Variants in CELSR3 observed in about 807,000 individuals in gnomAD.
CELSR3 encodes EGF-like protein 1.
In CELSR3, 73 loss-of-function variants were observed where a neutral mutation model predicts 270.0. That is an observed-to-expected ratio of 0.27 (90% CI 0.22 to 0.33). The LOEUF is 0.33. CELSR3 is among the 10% of genes least tolerant of loss of function. CELSR3 has a pLI of 1.00. For synonymous variants in CELSR3, 1,780 were observed against 1,905.4 expected, an observed-to-expected ratio of 0.93 and a Z score of 1.71; for missense variants, 3,614 against 4,533.8, an observed-to-expected ratio of 0.80 and a Z score of 5.83.
Position 48,645,940 on chromosome 3 carries a change from G to A in CELSR3, c.7464-72C>T. The A allele has an allele frequency of 6.4e-7, 1 of 1,572,256 alleles. No individual in the cohort carries two copies. The highest frequency in any genetic ancestry group is 8.7e-7 in the Non-Finnish European group (1 of 1,155,722). ...AGGGGTTTGTGAGAGATCATGGGAA[G>A]GGCTGAGGGTGCCTGGAGTTGGGGT... On this transcript the variant is annotated intron_variant, in intron 22 of 34. Transcript: ENST00000164024. The surrounding 1 kb of genome is among the most constrained non-coding windows in gnomAD (Gnocchi z 5.4).
At position 48,650,803 on chromosome 3, in the gene CELSR3, TC is replaced by T; in HGVS notation, c.6370+88del. 1 of 1,413,012 alleles carries T rather than the reference TC, an allele frequency of 7.1e-7. No individual in the cohort carries two copies. Among genetic ancestry groups the T allele is most frequent in the East Asian group, 2.3e-5 (1 of 43,302 alleles). The allele number at this position is 1,413,012 out of a possible 1,614,324, so 87.5% of individuals were successfully genotyped here. On this transcript the variant is annotated intron_variant, in intron 15 of 34. Coordinates refer to ENST00000164024, the MANE Select transcript of CELSR3 (RefSeq NM_001407.3). The surrounding 1 kb of genome is among the most constrained non-coding windows in gnomAD (Gnocchi z 5.1). ...TCTCCCTCAGGAGAAGCTTCCAGAG[TC>T]CCCAAGGAGCCATGTGTGCCACTGA...
Position 48,645,107 on chromosome 3 carries a change from G to A in CELSR3, c.7900C>T (p.Pro2634Ser). ...ATGGCGCCGCGGTCCACGTTGCGTG[G>A]CTCAACCTGCATGCGGTAGAGGTGC... is the stretch of plus-strand genomic sequence containing the variant. ...GLHLYRMQVEPRNVDRGAMRF... is the reference protein window; with the variant it reads ...GLHLYRMQVESRNVDRGAMRF... The change falls in exon 25 of 35, where the codon CCA becomes TCA. Residue 2634 changes from proline (P) to serine (S), a missense_variant. Pro to Ser is a moderately conservative substitution (Grantham distance 74). This residue lies in a region of CELSR3 where 1,240 missense variants were observed against 1,351.7 expected (regional missense o/e 0.92). Transcript: ENST00000164024. The surrounding 1 kb of genome is among the most constrained non-coding windows in gnomAD (Gnocchi z 5.4). 6.2e-7 allele frequency: 1 copy of A among 1,605,466 alleles called. No individual in the cohort carries two copies. The highest frequency in any genetic ancestry group is 8.5e-7 in the Non-Finnish European group (1 of 1,173,994).
At position 48,645,121 on chromosome 3, in the gene CELSR3, C is replaced by A; in HGVS notation, c.7886G>T (p.Arg2629Leu). The change falls in exon 25 of 35, where the codon CGC becomes CTC. Residue 2629 changes from arginine to leucine, a missense_variant. Physicochemically the swap from Arg to Leu is moderately radical, Grantham distance 102. Around this residue, in one of 7 missense-constraint regions of CELSR3, gnomAD observed 1,240 missense variants for 1,351.7 expected, o/e 0.92. Transcript: ENST00000164024. The surrounding 1 kb of genome is among the most constrained non-coding windows in gnomAD (Gnocchi z 5.4). ...WLFVQGLHLY[R>L]MQVEPRNVDR... ...CACGTTGCGTGGCTCAACCTGCATGCGGTAGAGGTGCAGCCCCTGCACGAA... is the reference window on the plus strand; with the variant it reads ...CACGTTGCGTGGCTCAACCTGCATGAGGTAGAGGTGCAGCCCCTGCACGAA... The A allele has an allele frequency of 2.5e-6, 4 of 1,605,642 alleles. No individual in the cohort carries two copies. Among genetic ancestry groups the A allele is most frequent in the Non-Finnish European group, 3.4e-6 (4 of 1,174,114 alleles).
chr3:48,660,914 T>C lies in CELSR3; in HGVS notation c.1721A>G (p.Lys574Arg), dbSNP rs746952522. The C allele has an allele frequency of 6.2e-7, 1 of 1,614,004 alleles. No individual in the cohort carries two copies. The highest frequency in any genetic ancestry group is 8.5e-7 in the Non-Finnish European group (1 of 1,180,042). ...VLRVTATDRD[K>R]DANGLVHYNI... Reference sequence around the variant, plus strand: ...GTAGTGCACCAATCCGTTGGCGTCCTTGTCCCGGTCAGTGGCCGTGACGCG... The same window carrying C: ...GTAGTGCACCAATCCGTTGGCGTCCCTGTCCCGGTCAGTGGCCGTGACGCG... Residue 574 changes from lysine (K) to arginine (R), a missense_variant, in exon 1 of 35, where the codon AAG becomes AGG. Physicochemically the swap from Lys to Arg is conservative, Grantham distance 26. This residue lies in a region of CELSR3 where 354 missense variants were observed against 500.9 expected (regional missense o/e 0.71). Transcript: ENST00000164024. The surrounding 1 kb of genome is among the most constrained non-coding windows in gnomAD (Gnocchi z 5.5).
rs1287561312 is a variant in CELSR3, at chr3:48,650,541, C to T, written c.6411G>A (p.Val2137=). Residue 2137 remains valine, a synonymous_variant, in exon 16 of 35, where the codon GTG becomes GTA. Transcript: ENST00000164024. This position sits in a 1 kb window ranked among gnomAD's most constrained non-coding sequence, Gnocchi z 5.1. ...CGCCAAACTTTGTCTGGGGCCACCA[C>T]ACACCAGATCTCAGGGACTTAGGGC... ...DACPKSLRSG[V]WWPQTKFGVL... 1 of 1,604,856 alleles carries T rather than the reference C, an allele frequency of 6.2e-7. No individual in the cohort carries two copies. Among genetic ancestry groups the T allele is most frequent in the Non-Finnish European group, 8.5e-7 (1 of 1,177,460 alleles).
Position 48,641,567 on chromosome 3 carries a change from C to G in CELSR3, c.8825-43G>C. 6.9e-7 allele frequency: 1 copy of G among 1,452,178 alleles called. No homozygotes were observed. Among genetic ancestry groups the G allele is most frequent in the South Asian group, 1.2e-5 (1 of 86,802 alleles). 90.0% of individuals were successfully genotyped at this position (1,452,178 alleles called of 1,614,324 possible). ...GTTACAGGAGCTTCTGGGTTGATCC[C>G]AGTGACTCATGACCCCTGACCCTAA... On this transcript the variant is annotated intron_variant, in intron 32 of 34. Coordinates refer to ENST00000164024, the MANE Select transcript of CELSR3 (RefSeq NM_001407.3). This position sits in a 1 kb window ranked among gnomAD's most constrained non-coding sequence, Gnocchi z 4.8.
chr3:48,645,100 T>C lies in CELSR3; in HGVS notation c.7907A>G (p.Asn2636Ser), dbSNP rs760080706. 5 of 1,604,614 alleles carry C rather than the reference T, an allele frequency of 3.1e-6. No homozygotes were observed. Among genetic ancestry groups the C allele is most frequent in the Non-Finnish European group, 8.5e-7 (1 of 1,173,262 alleles). Residue 2636 changes from asparagine (N) to serine (S), a missense_variant, in exon 25 of 35, where the codon AAC (asparagine) becomes AGC (serine). Transcript: ENST00000164024. This position sits in a 1 kb window ranked among gnomAD's most constrained non-coding sequence, Gnocchi z 5.4. ...GAAGCGCATGGCGCCGCGGTCCACG[T>C]TGCGTGGCTCAACCTGCATGCGGTA... ...HLYRMQVEPR[N>S]VDRGAMRFYH...
rs2047145792 is a variant in CELSR3, at chr3:48,652,417, A to G, written c.5751+20T>C. On this transcript the variant is annotated intron_variant, in intron 11 of 34. Coordinates refer to ENST00000164024, the MANE Select transcript of CELSR3 (RefSeq NM_001407.3). The surrounding 1 kb of genome is among the most constrained non-coding windows in gnomAD (Gnocchi z 4.3). ...CCCTGACCCTAATGCCCCATATCAC[A>G]TTCCCATGCTGACCCCCACCTGGAT... The G allele has an allele frequency of 6.3e-7, 1 of 1,582,908 alleles. No individual in the cohort carries two copies. Among genetic ancestry groups the G allele is most frequent in the African/African-American group, 1.3e-5 (1 of 74,288 alleles).
chr3:48,643,810 T>G (rs2047052474), intron 27 of CELSR3, 133 bp from the exon 28 acceptor site: 2 of 1,057,076 alleles, frequency 1.9e-6, no homozygotes, highest in East Asian at 2.6e-5. Flanking sequence ...AACATGGAGG[T>G]CTCTGGAGGA....
At position 48,652,988 on chromosome 3, in the gene CELSR3, G is replaced by A. The variant is rs759922896; in HGVS notation, c.5634+14C>T. The stretch of plus-strand genomic sequence containing the variant: ...AAGGCTGAGAACAGACTACCCCGGG[G>A]TCAGAGGCCAGACCTGGAAGAGGCT... On this transcript the variant is annotated intron_variant, in intron 10 of 34. Transcript: ENST00000164024. This position sits in a 1 kb window ranked among gnomAD's most constrained non-coding sequence, Gnocchi z 4.3. 1 of 1,611,162 alleles carries A rather than the reference G, an allele frequency of 6.2e-7. No individual in the cohort carries two copies. Among genetic ancestry groups the A allele is most frequent in the Admixed American group, 1.7e-5 (1 of 59,952 alleles).
At position 48,644,338 on chromosome 3, in the gene CELSR3, G is replaced by C; in HGVS notation, c.8086-43C>G. The C allele has an allele frequency of 7.1e-7, 1 of 1,405,820 alleles. No individual in the cohort carries two copies. Among genetic ancestry groups the C allele is most frequent in the Non-Finnish European group, 9.8e-7 (1 of 1,016,332 alleles). 87.1% of individuals were successfully genotyped at this position (1,405,820 alleles called of 1,614,324 possible). On this transcript the variant is annotated intron_variant, in intron 26 of 34. Transcript: ENST00000164024. The surrounding 1 kb of genome is among the most constrained non-coding windows in gnomAD (Gnocchi z 4.8). ...CATGTGGGGCCGGGCAGGGCAGAGAGAGAGAGAGAGAGAGAGGCAATGAGA... is the reference window on the plus strand; with the variant it reads ...CATGTGGGGCCGGGCAGGGCAGAGACAGAGAGAGAGAGAGAGGCAATGAGA...
In CELSR3 at chr3:48,660,984, C is replaced by T. The variant is rs1335499555; in HGVS notation, c.1651G>A (p.Val551Met). The change falls in exon 1 of 35, where the codon GTG (valine) becomes ATG (methionine). Residue 551 changes from valine (V) to methionine (M), a missense_variant. Around this residue, in one of 7 missense-constraint regions of CELSR3, gnomAD observed 354 missense variants for 500.9 expected, o/e 0.71. Transcript: ENST00000164024. The surrounding 1 kb of genome is among the most constrained non-coding windows in gnomAD (Gnocchi z 5.5). ...NAPQFSEKRY[V>M]AQVREDVRPH... ...CGCACATCCTCGCGCACCTGCGCCACGTAGCGCTTCTCGCTGAACTGAGGA... is the reference window on the plus strand; with the variant it reads ...CGCACATCCTCGCGCACCTGCGCCATGTAGCGCTTCTCGCTGAACTGAGGA... 1 of 1,613,908 alleles carries T rather than the reference C, an allele frequency of 6.2e-7. No individual in the cohort carries two copies. Among genetic ancestry groups the T allele is most frequent in the East Asian group, 2.2e-5 (1 of 44,890 alleles).
In CELSR3 at chr3:48,646,231, G is replaced by C; in HGVS notation, c.7322C>G (p.Ser2441Cys). The change falls in exon 22 of 35, where the codon TCC becomes TGC. Residue 2441 changes from serine (S) to cysteine (C), a missense_variant. Physicochemically the swap from Ser to Cys is moderately radical, Grantham distance 112. Transcript: ENST00000164024. The surrounding 1 kb of genome is among the most constrained non-coding windows in gnomAD (Gnocchi z 4.8). ...GAACACAGCCACGCTGACCACCGGG[G>C]AGTTCATGACGGGGTTCTGAGGAAG... Reference protein sequence around the residue: ...ARLPQNPVMNSPVVSVAVFHG... With the variant: ...ARLPQNPVMNCPVVSVAVFHG... The C allele has an allele frequency of 6.2e-7, 1 of 1,612,486 alleles. No homozygotes were observed.
In CELSR3 at chr3:48,661,536, G is replaced by A. The variant is rs1157814393; in HGVS notation, c.1099C>T (p.Leu367Phe). Residue 367 changes from leucine to phenylalanine, a missense_variant, in exon 1 of 35, where the codon CTC becomes TTC. By Grantham distance (22) the Leu-to-Phe change is conservative (BLOSUM62 0). Around this residue, in one of 7 missense-constraint regions of CELSR3, gnomAD observed 354 missense variants for 500.9 expected, o/e 0.71. Transcript: ENST00000164024. ...AGRLVYSLAA[L>F]MNSRSLELFS... ...AGCTCCAGCGAGCGGCTGTTCATGA[G>A]TGCCGCCAGCGAGTAGACTAGGCGC... 1 of 1,606,788 alleles carries A rather than the reference G, an allele frequency of 6.2e-7. No individual in the cohort carries two copies. Among genetic ancestry groups the A allele is most frequent in the Non-Finnish European group, 8.5e-7 (1 of 1,177,788 alleles).
Position 48,661,174 on chromosome 3 carries a change from C to T in CELSR3, c.1461G>A (p.Glu487=), listed in dbSNP as rs773171090. The T allele has an allele frequency of 3.1e-6, 5 of 1,597,914 alleles. No homozygotes were observed. Among genetic ancestry groups the T allele is most frequent in the East Asian group, 2.3e-5 (1 of 43,980 alleles). The change falls in exon 1 of 35, where the codon GAG becomes GAA. Residue 487 remains glutamate, a synonymous_variant. Coordinates refer to ENST00000164024, the MANE Select transcript of CELSR3 (RefSeq NM_001407.3). ...TGATGAGGCCGGAGCGTGGATCAATCTCGAAGGCGGCGGCAGCTGCAGCGC... is the reference window on the plus strand; with the variant it reads ...TGATGAGGCCGGAGCGTGGATCAATTTCGAAGGCGGCGGCAGCTGCAGCGC... ...AARAAAAAAF[E]IDPRSGLIST... is the part of the protein sequence containing the mutation.
At position 48,645,821 on chromosome 3, in the gene CELSR3, T is replaced by A. The variant is rs201060643; in HGVS notation, c.7511A>T (p.His2504Leu). Reference protein sequence around the residue: ...VWTARDCELVHRNGSHARCRC... With the variant: ...VWTARDCELVLRNGSHARCRC... ...ACACCGTGCGTGGGACCCATTCCTG[T>A]GCACCAGCTCGCAGTCCCGTGCTGT... is the stretch of plus-strand genomic sequence containing the variant. The change falls in exon 23 of 35, where the codon CAC becomes CTC. Residue 2504 changes from histidine (H) to leucine (L), a missense_variant. Coordinates refer to ENST00000164024, the MANE Select transcript of CELSR3 (RefSeq NM_001407.3). The surrounding 1 kb of genome is among the most constrained non-coding windows in gnomAD (Gnocchi z 5.4). 180 of 1,611,162 alleles carry A rather than the reference T, an allele frequency of 1.1e-4. No homozygotes were observed. Among genetic ancestry groups the A allele is most frequent in the Non-Finnish European group, 1.4e-4 (167 of 1,179,320 alleles).
At position 48,662,880 on chromosome 3, in the gene CELSR3, C is replaced by T. The variant is rs1295306152; in HGVS notation, c.-246G>A. On this transcript the variant is annotated 5_prime_UTR_variant, in exon 1 of 35. Coordinates refer to ENST00000164024, the MANE Select transcript of CELSR3 (RefSeq NM_001407.3). The surrounding 1 kb of genome is among the most constrained non-coding windows in gnomAD (Gnocchi z 7.1). ...CCGACGCTGCTGCCGCCTCCCGCCG[C>T]TCCAACATGGCTCCCGGCCGCCCCG... is the stretch of plus-strand genomic sequence containing the variant. The T allele has an allele frequency of 3.3e-5, 11 of 334,244 alleles. No homozygotes were observed. The highest frequency in any genetic ancestry group is 2.4e-4 in the African/African-American group (11 of 45,404). 20.7% of individuals were successfully genotyped at this position (334,244 alleles called of 1,614,324 possible). A position where few individuals can be genotyped will look rare whatever the true frequency, so the allele number is the denominator to read the frequency against.
rs1414246904 is a variant in CELSR3, at chr3:48,652,468, T to G, written c.5720A>C (p.Glu1907Ala). The change falls in exon 11 of 35, where the codon GAG (glutamate) becomes GCG (alanine). Residue 1907 changes from glutamate (E) to alanine (A), a missense_variant. Physicochemically the swap from Glu to Ala is moderately radical, Grantham distance 107. Transcript: ENST00000164024. This position sits in a 1 kb window ranked among gnomAD's most constrained non-coding sequence, Gnocchi z 4.3. ...GCAGCCAACCAGACCCTGAGGAGCCTCCTCTGCACTGCCGGGGGGCAGGCC... is the reference window on the plus strand; with the variant it reads ...GCAGCCAACCAGACCCTGAGGAGCCGCCTCTGCACTGCCGGGGGGCAGGCC... ...VGGLPPGSAE[E>A]APQGLVGCIQ... 1.2e-6 allele frequency: 2 copies of G among 1,613,766 alleles called. No individual in the cohort carries two copies. The highest frequency in any genetic ancestry group is 2.7e-5 in the African/African-American group (2 of 75,024).
Position 48,642,894 on chromosome 3 carries a change from G to A in CELSR3, c.8407-10C>T. ...TGTAGGCCCCAGGTCCCTGGGGGTG[G>A]TAGGGACAGAGTGTGAGCTAACCCT... is the stretch of plus-strand genomic sequence containing the variant. On this transcript the variant is annotated splice_polypyrimidine_tract_variant and intron_variant, in intron 29 of 34. Coordinates refer to ENST00000164024, the MANE Select transcript of CELSR3 (RefSeq NM_001407.3). The surrounding 1 kb of genome is among the most constrained non-coding windows in gnomAD (Gnocchi z 6.1). The A allele has an allele frequency of 6.2e-7, 1 of 1,612,720 alleles. No homozygotes were observed. Among genetic ancestry groups the A allele is most frequent in the Non-Finnish European group, 8.5e-7 (1 of 1,179,686 alleles).
Sources: gnomAD v4.1 joint callset for allele counts on GRCh38, gnomAD v4.1.1 for gene constraint, gnomAD v4.1.1 regional missense constraint, Gnocchi (gnomAD v3.1) non-coding constraint, MANE v1.5 for transcripts, NCBI Gene and HGNC (gene_info 2026-07-23, HGNC 2026-07-21) for gene names.